Variants in MMP13 observed in about 807,000 individuals in gnomAD.
MMP13 encodes the protein collagenase 3.
Under a neutral mutation model 52.1 loss-of-function variants are expected in MMP13, and 45 were observed. That is an observed-to-expected ratio of 0.86 (90% CI 0.68 to 1.11). The LOEUF (loss-of-function observed/expected upper bound fraction) is 1.11. Among genes scored for constraint, MMP13 ranks in the 50% least tolerant of loss-of-function variants. The pLI is 0.00. For missense variants in MMP13, 576 were observed against 583.8 expected (o/e 0.99, Z 0.14); for synonymous variants, 200 against 204.4 (o/e 0.98, Z 0.18).
At chr11:102,944,976 G>A (rs1860475060) in intron 9 of MMP13, 1 of 184,446 alleles carries the variant, frequency 5.4e-6, no homozygotes, top group Non-Finnish European at 1.2e-5. Flanking sequence ...AGGTCGGTGA[G>A]GTCAGGCCTG....
chr11:102,951,972 T>G, intron 5 of MMP13, 40 bp downstream of exon 5: 2 of 1,599,376 alleles, frequency 1.3e-6, no homozygotes, highest in Non-Finnish European at 1.7e-6. Context: ...TTTCTTCTGC[T>G]TTTATAACTG....
chr11:102,946,230 A>G (rs1316564183), intron 8 of MMP13, among the ~76,000 whole-genome samples: 4 of 152,168 alleles, frequency 2.6e-5, no homozygotes, highest in African/African-American at 9.7e-5. Context: ...GTAGGAAGGG[A>G]AGCATAGCTT....
Position 102,949,281 on chromosome 11 carries a change from A to C in MMP13, c.918-123T>G. ...ATACAACCAATACCTCCCACCTGTGAAGGGAAAAAAAATTCCATTACCCTT... is the reference window on the plus strand; with the variant it reads ...ATACAACCAATACCTCCCACCTGTGCAGGGAAAAAAAATTCCATTACCCTT... On this transcript the variant is annotated intron_variant, in intron 6 of 9. Coordinates refer to ENST00000260302, the MANE Select transcript of MMP13 (RefSeq NM_002427.4). The surrounding 1 kb of genome is among the most constrained non-coding windows in gnomAD (Gnocchi z 4.2). 1 of 1,245,492 alleles carries C rather than the reference A, an allele frequency of 8.0e-7. No homozygotes were observed. Among genetic ancestry groups the C allele is most frequent in the Non-Finnish European group, 1.1e-6 (1 of 883,306 alleles). 77.2% of individuals were successfully genotyped at this position (1,245,492 alleles called of 1,614,324 possible).
Position 102,952,039 on chromosome 11 carries a change from C to T in MMP13, c.772G>A (p.Asp258Asn), listed in dbSNP as rs782584939. The change falls in exon 5 of 10, where the codon GAT (aspartate) becomes AAT (asparagine). Residue 258 changes from aspartate (D) to asparagine (N), a missense_variant. Asp to Asn is a conservative substitution (Grantham distance 23, BLOSUM62 1). Transcript: ENST00000260302. This position sits in a 1 kb window ranked among gnomAD's most constrained non-coding sequence, Gnocchi z 4.3. ...GKSHFMLPDDDVQGIQSLYGP... is the reference protein window; with the variant it reads ...GKSHFMLPDDNVQGIQSLYGP... ...TAGAGAGACTGGATCCCTTGTACAT[C>T]GTCATCAGGAAGCATAAAGTGGCTT... 8.7e-6 allele frequency: 14 copies of T among 1,613,150 alleles called. No individual in the cohort carries two copies. The highest frequency in any genetic ancestry group is 6.7e-5 in the Admixed American group (4 of 59,962).
chr11:102,945,161 T>C (rs984493129), intron 9 of MMP13: 21 of 429,202 alleles, frequency 4.9e-5, no homozygotes, highest in African/African-American at 3.9e-4. Context: ...GGAGAATCTC[T>C]TGAACCCAGG....
rs893339317 is a variant in MMP13, at chr11:102,952,491, T to G, written c.638-318A>C. ...TACATTAGAACTCCTGATTTGCGCT[T>G]AGTATTCTCAGGTCAGGTGAGGGAA... On this transcript the variant is annotated intron_variant, in intron 4 of 9. Transcript: ENST00000260302. The surrounding 1 kb of genome is among the most constrained non-coding windows in gnomAD (Gnocchi z 4.3). 6.6e-6 allele frequency among the ~76,000 whole-genome samples: 1 copy of G among 152,144 alleles called. No individual in the cohort carries two copies. The highest frequency in any genetic ancestry group is 1.5e-5 in the Non-Finnish European group (1 of 68,010).
chr11:102,944,394 C>A, intron 9 of MMP13, 28 bp from the exon 10 acceptor site: 1 of 1,478,856 alleles, frequency 6.8e-7, no homozygotes, highest in South Asian at 1.1e-5. Flanking sequence ...AAGACAATTT[C>A]AGAGTTTGAA....
At position 102,944,324 on chromosome 11, in the gene MMP13, C is replaced by G; in HGVS notation, c.1358G>C (p.Ser453Thr). 3 of 1,613,174 alleles carry G rather than the reference C, an allele frequency of 1.9e-6. No individual in the cohort carries two copies. The highest frequency in any genetic ancestry group is 2.5e-6 in the Non-Finnish European group (3 of 1,179,356). The change falls in exon 10 of 10, where the codon AGC (serine) becomes ACC (threonine). Residue 453 changes from serine to threonine, a missense_variant. Physicochemically the swap from Ser to Thr is moderately conservative, Grantham distance 58. Transcript: ENST00000260302. ...FFNGPIQFEY[S>T]IWSNRIVRVM... Reference sequence around the variant, plus strand: ...GCGAACAATACGGTTACTCCAGATGCTGTATTCAAACTGTATGGGTCCGTT... The same window carrying G: ...GCGAACAATACGGTTACTCCAGATGGTGTATTCAAACTGTATGGGTCCGTT...
chr11:102,950,609 C>T (rs1343418965), intron 5 of MMP13, among the ~76,000 whole-genome samples: 1 of 152,130 alleles, frequency 6.6e-6, no homozygotes, highest in Non-Finnish European at 1.5e-5. Context: ...CCTGCAAAAG[C>T]CCTCATCTTG....
chr11:102,945,227 G>T, intron 9 of MMP13: 1 of 756,632 alleles, frequency 1.3e-6, no homozygotes, highest in Non-Finnish European at 1.7e-6. Flanking sequence ...CTGGGTGACA[G>T]AGTGAGACTC....
Position 102,945,794 on chromosome 11 carries a change from A to T in MMP13, c.1212-45T>A, listed in dbSNP as rs782543033. ...TCCTAAGTCAGTTATATTTCTTAGA[A>T]AGTACCTTAGAAATAATACAATAGA... is the stretch of plus-strand genomic sequence containing the variant. On this transcript the variant is annotated intron_variant, in intron 8 of 9. Transcript: ENST00000260302. The T allele has an allele frequency of 2.3e-5, 23 of 1,011,288 alleles. No individual in the cohort carries two copies. In the South Asian group the frequency reaches 2.9e-4, roughly 13 times the overall value. The allele number at this position is 1,011,288 out of a possible 1,614,324, so 62.6% of individuals were successfully genotyped here. A position where few individuals can be genotyped will look rare whatever the true frequency, so the allele number is the denominator to read the frequency against.
chr11:102,954,126 C>G (rs779699278), intron 4 of MMP13, 30 bp downstream of exon 4: 3 of 1,611,726 alleles, frequency 1.9e-6, no homozygotes, highest in Non-Finnish European at 2.5e-6. Context: ...TCTAATAACA[C>G]ATAAATGATA....
At chr11:102,950,318 G>C in intron 5 of MMP13, 91 bp from the exon 6 acceptor site, 1 of 1,008,052 alleles carries the variant, frequency 9.9e-7, no homozygotes. Context: ...CTGATGGACA[G>C]TGGGAGAGGG....
chr11:102,949,121 C>G lies in MMP13; in HGVS notation c.955G>C (p.Glu319Gln), dbSNP rs1860565525. The change falls in exon 7 of 10, where the codon GAG becomes CAG. Residue 319 changes from glutamate (E) to glutamine (Q), a missense_variant. Coordinates refer to ENST00000260302, the MANE Select transcript of MMP13 (RefSeq NM_002427.4). This position sits in a 1 kb window ranked among gnomAD's most constrained non-coding sequence, Gnocchi z 4.2. ...CAAAATGATTTCGTTAAAAACAGCT[C>G]CGCATCAACCTGCTGAGGATGCAGG... ...WRLHPQQVDA[E>Q]LFLTKSFWPE... 1 of 1,613,686 alleles carries G rather than the reference C, an allele frequency of 6.2e-7. No homozygotes were observed. The highest frequency in any genetic ancestry group is 1.7e-5 in the Admixed American group (1 of 59,966).
Position 102,945,665 on chromosome 11 carries a change from A to G in MMP13, c.1296T>C (p.Asp432=). 1 of 1,597,220 alleles carries G rather than the reference A, an allele frequency of 6.3e-7. No individual in the cohort carries two copies. The highest frequency in any genetic ancestry group is 8.6e-7 in the Non-Finnish European group (1 of 1,165,514). The stretch of plus-strand genomic sequence containing the variant: ...ACTTACCATTTTTCTCATAGACAGC[A>G]TCTACTTTATCACCAATTCCTGGGA... The part of the protein sequence containing the change: ...EDFPGIGDKV[D]AVYEKNGYIY... The change falls in exon 9 of 10, where the codon GAT becomes GAC. Residue 432 remains aspartate, a synonymous_variant. Transcript: ENST00000260302.
chr11:102,947,196 CTGGTATCCTCTT>C (rs1393236926), intron 8 of MMP13, among the ~76,000 whole-genome samples: 1 of 152,186 alleles, frequency 6.6e-6, no homozygotes, highest in Non-Finnish European at 1.5e-5. Flanking sequence ...TGTACTCATG[CTGGTATCCTCTT>C]TGGCCACGGA....
intron 2 of MMP13, 84 bp from the exon 3 acceptor site, chr11:102,954,690 A>T: frequency 1.6e-6 from 2 of 1,258,486 alleles, no homozygotes; most frequent in South Asian, 2.5e-5. Context: ...TTGCTTTTCA[A>T]TTCAAAATGC....
chr11:102,950,465 T>C (rs1860593507), intron 5 of MMP13, among the ~76,000 whole-genome samples: 1 of 152,140 alleles, frequency 6.6e-6, no homozygotes. Context: ...CTTAGGTTTC[T>C]TGAGGTTGAT....
Position 102,955,142 on chromosome 11 carries a change from C to G in MMP13, c.362+110G>C. On this transcript the variant is annotated intron_variant, in intron 2 of 9. Transcript: ENST00000260302. This position sits in a 1 kb window ranked among gnomAD's most constrained non-coding sequence, Gnocchi z 4.9. Reference sequence around the variant, plus strand: ...GGTATTCTCGGCAACCATATTAAAGCTATTCTGGAATTTAACTGCCAATTA... The same window carrying G: ...GGTATTCTCGGCAACCATATTAAAGGTATTCTGGAATTTAACTGCCAATTA... 1.6e-6 allele frequency: 2 copies of G among 1,254,474 alleles called. No homozygotes were observed. The highest frequency in any genetic ancestry group is 2.3e-6 in the Non-Finnish European group (2 of 884,284). 77.7% of individuals were successfully genotyped at this position (1,254,474 alleles called of 1,614,324 possible).
Sources: gnomAD v4.1 joint callset for allele counts (sites outside exome capture counted in the v4.1 genomes callset) on GRCh38, gnomAD v4.1.1 for gene constraint, Gnocchi (gnomAD v3.1) non-coding constraint, MANE v1.5 for transcripts, NCBI Gene and HGNC (gene_info 2026-07-23, HGNC 2026-07-21) for gene names.